FAT2: variants seen among roughly 807,000 people sequenced by gnomAD.
The protein encoded by FAT2 is protocadherin Fat 2.
A neutral mutation model predicts 295.3 loss-of-function variants in FAT2; 150 were observed. The ratio of observed to expected loss-of-function variants is 0.51; its 90% CI spans 0.44 to 0.58. The LOEUF (loss-of-function observed/expected upper bound fraction) is 0.58, where lower values mean the gene tolerates loss of function less well. FAT2 is among the 20% of genes least tolerant of loss of function. The pLI, the probability that FAT2 is intolerant of heterozygous loss-of-function variation, is 0.00. For synonymous variants in FAT2, 2,026 were observed against 2,150.3 expected (o/e 0.94, Z 1.60); for missense variants, 4,868 against 5,442.7 (o/e 0.89, Z 3.32).
chr5:151,538,037 C>A, intron 11 of FAT2, 91 bp from the exon 12 acceptor site: 4 of 1,161,116 alleles, frequency 3.4e-6, no homozygotes, highest in South Asian at 1.6e-5. Flanking sequence ...GAGGCAGAAG[C>A]AGAAAGAGAG....
In FAT2 at chr5:151,525,933, C is replaced by A. The variant is rs2127584653; in HGVS notation, c.10341G>T (p.Gln3447His). The change falls in exon 18 of 24, where the codon CAG (glutamine) becomes CAT (histidine). Residue 3447 changes from glutamine (Q) to histidine (H), a missense_variant. Gln to His is a conservative substitution (Grantham distance 24). This residue lies in a region of FAT2 where 1,046 missense variants were observed against 1,210.1 expected (regional missense o/e 0.86). Transcript: ENST00000261800. ...ENSPIGSKVL[Q>H]LILSDPDSPE... ...GAGAATCTGGGTCACTCAGGATCAG[C>A]TGCAGGACTTTGCTGCCAATGGGGG... The A allele has an allele frequency of 6.2e-7, 1 of 1,614,214 alleles. No homozygotes were observed. The highest frequency in any genetic ancestry group is 1.3e-5 in the African/African-American group (1 of 75,062).
At chr5:151,527,938 A>T (rs1754188020) in intron 16 of FAT2, 58 bp downstream of exon 16, 1 of 1,583,762 alleles carries the variant, frequency 6.3e-7, no homozygotes. Flanking sequence ...CTGGACCTGC[A>T]GTGGGACTGT....
rs765083493 is a variant in FAT2, at chr5:151,534,565, C to T, written c.9271G>A (p.Gly3091Ser). The T allele has an allele frequency of 2.0e-5, 32 of 1,614,014 alleles. No individual in the cohort carries two copies. Among genetic ancestry groups the T allele is most frequent in the Middle Eastern group, 1.6e-4 (1 of 6,084 alleles). The change falls in exon 13 of 24, where the codon GGT becomes AGT. Residue 3091 changes from glycine to serine, a missense_variant. Coordinates refer to ENST00000261800, the MANE Select transcript of FAT2 (RefSeq NM_001447.3). ...FNLVAKATDGGGRSCQADITL... is the reference protein window; with the variant it reads ...FNLVAKATDGSGRSCQADITL... ...ATGTCTGCCTGGCACGATCGGCCAC[C>T]TCCATCCGTCGCCTTGGCAACAAGG...
In FAT2 at chr5:151,543,060, C is replaced by T. The variant is rs372996905; in HGVS notation, c.8067G>A (p.Pro2689=). Residue 2689 remains proline, a synonymous_variant, in exon 10 of 24, where the codon CCG becomes CCA. Coordinates refer to ENST00000261800, the MANE Select transcript of FAT2 (RefSeq NM_001447.3). ...AAGTATACAAAGGTTCAGAAAATTT[C>T]GGTAAGGATACTTTTTTAGGAACCA... ...LQVVPKKVSL[P]KFSEPLYTFS... 6.8e-6 allele frequency: 11 copies of T among 1,614,146 alleles called. No individual in the cohort carries two copies. The highest frequency in any genetic ancestry group is 4.5e-5 in the East Asian group (2 of 44,882).
Position 151,549,330 on chromosome 5 carries a change from C to T in FAT2, c.4754G>A (p.Gly1585Glu), listed in dbSNP as rs748494368. 3.7e-6 allele frequency: 6 copies of T among 1,613,506 alleles called. No individual in the cohort carries two copies. The highest frequency in any genetic ancestry group is 5.1e-6 in the Non-Finnish European group (6 of 1,180,016). Reference protein sequence around the residue: ...LQVRAMDADRGVNAEVHYSLL... With the variant: ...LQVRAMDADREVNAEVHYSLL... ...GGAGTAGTGGACCTCAGCATTGACT[C>T]CCCGGTCAGCATCCATGGCTCGGAC... Residue 1585 changes from glycine to glutamate, a missense_variant, in exon 9 of 24, where the codon GGA becomes GAA. Coordinates refer to ENST00000261800, the MANE Select transcript of FAT2 (RefSeq NM_001447.3).
rs1754584439 is a variant in FAT2, at chr5:151,531,437, C to T, written c.9811+150G>A. On this transcript the variant is annotated intron_variant, in intron 14 of 23. Coordinates refer to ENST00000261800, the MANE Select transcript of FAT2 (RefSeq NM_001447.3). The surrounding 1 kb of genome is among the most constrained non-coding windows in gnomAD (Gnocchi z 5.7). ...AGGGTGGAAGGAGGGACCTGGTACT[C>T]GGAGAGAAGCAGAAGAGAATGGAGA... The T allele has an allele frequency of 8.7e-7, 1 of 1,148,562 alleles. No homozygotes were observed. Among genetic ancestry groups the T allele is most frequent in the Non-Finnish European group, 1.2e-6 (1 of 822,600 alleles). 71.1% of individuals were successfully genotyped at this position (1,148,562 alleles called of 1,614,324 possible). A position where few individuals can be genotyped will look rare whatever the true frequency, so the allele number is the denominator to read the frequency against.
chr5:151,559,614 TC>T (rs935157054), intron 3 of FAT2, among the ~76,000 whole-genome samples: 4 of 151,846 alleles, frequency 2.6e-5, no homozygotes, highest in African/African-American at 9.7e-5. Context: ...CTCTCTCTTC[TC>T]CCCCTGTGCC....
intron 20 of FAT2, among the ~76,000 whole-genome samples, chr5:151,514,711 A>G (rs1752667767): frequency 6.6e-6 from 1 of 152,136 alleles, no homozygotes; most frequent in Admixed American, 6.5e-5. Context: ...TCCCACTCTC[A>G]GCTGATCATC....
At position 151,505,283 on chromosome 5, in the gene FAT2, C is replaced by G. The variant is rs757579664; in HGVS notation, c.*282G>C. Reference sequence around the variant, plus strand: ...ATCAGGGAGCCCTCCTGTCTCTCGCCCACCCCGGGAGTCAATTGTTCCTGG... The same window carrying G: ...ATCAGGGAGCCCTCCTGTCTCTCGCGCACCCCGGGAGTCAATTGTTCCTGG... On this transcript the variant is annotated 3_prime_UTR_variant, in exon 24 of 24. Coordinates refer to ENST00000261800, the MANE Select transcript of FAT2 (RefSeq NM_001447.3). 8.0e-5 allele frequency: 39 copies of G among 489,590 alleles called. No individual in the cohort carries two copies. Among genetic ancestry groups the G allele is most frequent in the Non-Finnish European group, 1.2e-4 (34 of 278,248 alleles). 30.3% of individuals were successfully genotyped at this position (489,590 alleles called of 1,614,324 possible). A position where few individuals can be genotyped will look rare whatever the true frequency, so the allele number is the denominator to read the frequency against.
rs1761203207 is a variant in FAT2, at chr5:151,510,092, C to T, written c.11988G>A (p.Leu3996=). The T allele has an allele frequency of 5.6e-6, 9 of 1,614,190 alleles. No homozygotes were observed. Among genetic ancestry groups the T allele is most frequent in the African/African-American group, 5.3e-5 (4 of 75,048 alleles). The part of the protein sequence containing the change: ...GRENCTFAPC[L]EGGTCILSPK... Reference sequence around the variant, plus strand: ...GGGAGAGGATGCAAGTTCCACCTTCCAGGCAGGGTGCAAAAGTACAGTTCT... The same window carrying T: ...GGGAGAGGATGCAAGTTCCACCTTCTAGGCAGGGTGCAAAAGTACAGTTCT... The change falls in exon 22 of 24, where the codon CTG becomes CTA. Residue 3996 remains leucine, a synonymous_variant. Transcript: ENST00000261800.
chr5:151,504,613 C>G lies in FAT2; in HGVS notation c.*952G>C, dbSNP rs1394397014. ...AACCGGCCCTAAATAGGAGTTCAGA[C>G]TTCCTTGTGTCTAGGGAAGAAAAAT... On this transcript the variant is annotated 3_prime_UTR_variant, in exon 24 of 24. Coordinates refer to ENST00000261800, the MANE Select transcript of FAT2 (RefSeq NM_001447.3). The G allele has an allele frequency of 6.5e-6, 1 of 152,694 alleles. No homozygotes were observed. Among genetic ancestry groups the G allele is most frequent in the Non-Finnish European group, 1.5e-5 (1 of 68,046 alleles). 9.5% of individuals were successfully genotyped at this position (152,694 alleles called of 1,614,324 possible). A position where few individuals can be genotyped will look rare whatever the true frequency, so the allele number is the denominator to read the frequency against.
chr5:151,516,205 T>TTAAAATTG (rs1752847710), intron 20 of FAT2, among the ~76,000 whole-genome samples: 2 of 152,200 alleles, frequency 1.3e-5, no homozygotes, highest in South Asian at 2.1e-4. Flanking sequence ...GCCACCTTAT[T>TTAAAATTG]TAAAATTGTA....
chr5:151,534,803 C>A (rs1327079684), intron 12 of FAT2, among the ~76,000 whole-genome samples, 161 bp from the exon 13 acceptor site: 1 of 151,776 alleles, frequency 6.6e-6, no homozygotes. Flanking sequence ...TGTATCCCCC[C>A]ATACCCATTC....
At position 151,546,193 on chromosome 5, in the gene FAT2, G is replaced by C. The variant is rs764344825; in HGVS notation, c.4934C>G (p.Thr1645Arg). 2 of 1,614,036 alleles carry C rather than the reference G, an allele frequency of 1.2e-6. No homozygotes were observed. The highest frequency in any genetic ancestry group is 2.7e-5 in the African/African-American group (2 of 74,920). ...TGAGGGATAGACATGAATGATCACT[G>C]TAGCCAGGTCATGCCATTGTGGGGA... is the stretch of plus-strand genomic sequence containing the variant. ...QGSPQWHDLA[T>R]VIIHVYPSDR... Residue 1645 changes from threonine to arginine, a missense_variant, in exon 10 of 24, where the codon ACA (threonine) becomes AGA (arginine). Transcript: ENST00000261800.
rs759602871 is a variant in FAT2, at chr5:151,534,497, G to C, written c.9339C>G (p.Phe3113Leu). 4 of 1,613,976 alleles carry C rather than the reference G, an allele frequency of 2.5e-6. 1 individual carries two copies. The highest frequency in any genetic ancestry group is 2.2e-5 in the South Asian group (2 of 91,072). Residue 3113 changes from phenylalanine to leucine, a missense_variant, in exon 13 of 24, where the codon TTC becomes TTG. Phe to Leu is a conservative substitution (Grantham distance 22). This residue lies in a region of FAT2 where 1,046 missense variants were observed against 1,210.1 expected (regional missense o/e 0.86). Coordinates refer to ENST00000261800, the MANE Select transcript of FAT2 (RefSeq NM_001447.3). ...VEDVNDNAPR[F>L]FPSHCAVAVF... ...CAGCCACAGCACAGTGGCTGGGGAA[G>C]AACCGCGGGGCATTGTCATTCACAT...
rs1581257387 is a variant in FAT2 at position 151,505,718 on chromosome 5, A to C, written c.12897T>G (p.Gly4299=). ...CLADGGYKGV[G]MRLSRAGPSY... ...AGGGCCCAGCTCGGCTGAGGCGCAT[A>C]CCCACCCCCTTGTAGCCCCCGTCTG... The change falls in exon 24 of 24, where the codon GGT becomes GGG. Residue 4299 remains glycine, a synonymous_variant. Transcript: ENST00000261800. 6.2e-7 allele frequency: 1 copy of C among 1,613,510 alleles called. No individual in the cohort carries two copies. Among genetic ancestry groups the C allele is most frequent in the Non-Finnish European group, 8.5e-7 (1 of 1,179,732 alleles).
Position 151,568,342 on chromosome 5 carries a change from T to C in FAT2, c.590A>G (p.His197Arg), listed in dbSNP as rs1375900686. The change falls in exon 2 of 24, where the codon CAT becomes CGT. Residue 197 changes from histidine (H) to arginine (R), a missense_variant. By Grantham distance (29) the His-to-Arg change is conservative (BLOSUM62 0). This residue lies in a region of FAT2 where 3,297 missense variants were observed against 3,669.4 expected (regional missense o/e 0.90). Transcript: ENST00000261800. ...FNTRSEMFAI[H>R]PTSGVVTVAG... The stretch of plus-strand genomic sequence containing the variant: ...CACAGTGACCACACCGCTGGTGGGA[T>C]GGATGGCAAACATCTCTGACCTTGT... 2 of 1,614,186 alleles carry C rather than the reference T, an allele frequency of 1.2e-6. No individual in the cohort carries two copies.
chr5:151,519,994 C>T (rs1753276022), intron 19 of FAT2, among the ~76,000 whole-genome samples: 1 of 152,188 alleles, frequency 6.6e-6, no homozygotes, highest in Non-Finnish European at 1.5e-5. Flanking sequence ...TGTCTGATGC[C>T]AGGTGGCTGA....
At chr5:151,549,645 T>C (rs1210656487) in intron 8 of FAT2, 140 bp from the exon 9 acceptor site, 3 of 665,814 alleles carry the variant, frequency 4.5e-6, no homozygotes, top group Non-Finnish European at 7.8e-6. Flanking sequence ...TAAATGTTGT[T>C]CTAATCTATA....
Sources: allele counts gnomAD v4.1 joint callset (sites outside exome capture counted in the v4.1 genomes callset), GRCh38; gene constraint gnomAD v4.1.1; regional missense constraint gnomAD v4.1.1; non-coding constraint Gnocchi (gnomAD v3.1); transcripts MANE v1.5; gene names NCBI Gene and HGNC (gene_info 2026-07-23, HGNC 2026-07-21).